DNAH8: variants seen among roughly 807,000 people sequenced by gnomAD.
DNAH8 encodes the protein dynein axonemal heavy chain 8, also known as axonemal beta dynein heavy chain 8.
In DNAH8, 382 loss-of-function variants were observed where a neutral mutation model predicts 562.1. The ratio of observed to expected loss-of-function variants is 0.68; its 90% CI spans 0.63 to 0.74. The LOEUF (loss-of-function observed/expected upper bound fraction) is 0.74. Ranked by LOEUF, DNAH8 falls within the 30% of genes least tolerant of loss-of-function variation. The pLI, the probability that DNAH8 is intolerant of heterozygous loss-of-function variation, is 0.00. For missense variants in DNAH8, 5,203 were observed against 5,620.4 expected (o/e 0.93, Z 2.37); for synonymous variants, 1,881 against 1,919.4 (o/e 0.98, Z 0.52).
In DNAH8 at chr6:38,805,474, T is replaced by A; in HGVS notation, c.3035-7T>A. 2 of 1,564,732 alleles carry A rather than the reference T, an allele frequency of 1.3e-6. No homozygotes were observed. The highest frequency in any genetic ancestry group is 2.2e-5 in the South Asian group (2 of 89,882). ...TGTTATATTTTTGTTTTGTCTTTTG[T>A]CTATAGAACAGCGGAAACACGTTGT... On this transcript the variant is annotated splice_region_variant and splice_polypyrimidine_tract_variant and intron_variant, in intron 22 of 92. Coordinates refer to ENST00000327475, the MANE Select transcript of DNAH8 (RefSeq NM_001206927.2).
chr6:38,814,003 C>A (rs1562875997), intron 24 of DNAH8, 51 bp from the exon 25 acceptor site: 1 of 1,285,804 alleles, frequency 7.8e-7, no homozygotes, highest in African/African-American at 1.5e-5. Flanking sequence ...AATAAACTAA[C>A]AATGAAATTT....
Position 38,971,674 on chromosome 6 carries a change from CAA to C in DNAH8, c.12525+10_12525+11del. On this transcript the variant is annotated intron_variant, in intron 83 of 92. Coordinates refer to ENST00000327475, the MANE Select transcript of DNAH8 (RefSeq NM_001206927.2). ...AGATGTCAATGCAGCAGGTATGTGA[CAA>C]GAGACTGCTCCTGCTGCAACATTAT... The C allele has an allele frequency of 6.3e-7, 1 of 1,586,338 alleles. No individual in the cohort carries two copies. Among genetic ancestry groups the C allele is most frequent in the Non-Finnish European group, 8.6e-7 (1 of 1,165,856 alleles).
At position 38,931,921 on chromosome 6, in the gene DNAH8, C is replaced by A. The variant is rs1782577948; in HGVS notation, c.11385C>A (p.Val3795=). The change falls in exon 76 of 93, where the codon GTC becomes GTA. Residue 3795 remains valine, a synonymous_variant. Coordinates refer to ENST00000327475, the MANE Select transcript of DNAH8 (RefSeq NM_001206927.2). ...FTPEINAKTS[V]IDFTVTMKGL... is the part of the protein sequence containing the mutation. ...CAGAGATTAATGCTAAAACGTCAGT[C>A]ATTGATTTCACTGTTACAATGAAAG... 2 of 1,611,516 alleles carry A rather than the reference C, an allele frequency of 1.2e-6. No individual in the cohort carries two copies. Among genetic ancestry groups the A allele is most frequent in the South Asian group, 2.2e-5 (2 of 90,494 alleles).
rs746176765 is a variant in DNAH8, at chr6:38,875,874, T to C, written c.7858+46T>C. On this transcript the variant is annotated intron_variant, in intron 53 of 92. Coordinates refer to ENST00000327475, the MANE Select transcript of DNAH8 (RefSeq NM_001206927.2). Reference sequence around the variant, plus strand: ...CTTAAATGAAATGACTTTTTTCAAATGAGAAAATATAAGCTTTCATAAACT... The same window carrying C: ...CTTAAATGAAATGACTTTTTTCAAACGAGAAAATATAAGCTTTCATAAACT... 4.0e-6 allele frequency: 5 copies of C among 1,253,438 alleles called. No individual in the cohort carries two copies. The South Asian group carries it at 6.4e-5, about 16-fold the overall frequency. The allele number at this position is 1,253,438 out of a possible 1,614,324, so 77.6% of individuals were successfully genotyped here. A position where few individuals can be genotyped will look rare whatever the true frequency, so the allele number is the denominator to read the frequency against.
At chr6:38,993,666 G>A (rs1176429664) in intron 88 of DNAH8, among the ~76,000 whole-genome samples, 1 of 141,170 alleles carries the variant, frequency 7.1e-6, no homozygotes, top group African/African-American at 2.6e-5. Context: ...ATACAAAGTT[G>A]CCAAACTATA....
chr6:39,011,390 C>T (rs1031486992), intron 89 of DNAH8, among the ~76,000 whole-genome samples: 4 of 152,224 alleles, frequency 2.6e-5, no homozygotes, highest in African/African-American at 9.6e-5. Flanking sequence ...TTCTCTCCCA[C>T]TCCATGTGTC....
At chr6:38,794,140 G>A (rs1248197845) in intron 21 of DNAH8, among the ~76,000 whole-genome samples, 1 of 152,120 alleles carries the variant, frequency 6.6e-6, no homozygotes, top group Non-Finnish European at 1.5e-5. Flanking sequence ...ATTCCCAAGG[G>A]AGAATTTGCT....
rs766073829 is a variant in DNAH8, at chr6:38,750,463, CT to C, written c.1294-6del. On this transcript the variant is annotated splice_polypyrimidine_tract_variant and intron_variant, in intron 8 of 92. Coordinates refer to ENST00000327475, the MANE Select transcript of DNAH8 (RefSeq NM_001206927.2). ...TGGATGTTTCATAGAATTCTTATAC[CT>C]TTTTTTCTTAGAATTGGCGTGATTT... 1.5e-5 allele frequency: 23 copies of C among 1,577,650 alleles called. No homozygotes were observed. The highest frequency in any genetic ancestry group is 6.8e-5 in the South Asian group (6 of 88,300).
chr6:38,759,283 A>G (rs1389246101), intron 10 of DNAH8, among the ~76,000 whole-genome samples: 7 of 151,772 alleles, frequency 4.6e-5, no homozygotes, highest in African/African-American at 1.5e-4. Flanking sequence ...ACTCCAGCCT[A>G]GGCAAGAGAG....
At chr6:38,810,466 C>A (rs941516412) in intron 24 of DNAH8, among the ~76,000 whole-genome samples, 2 of 152,080 alleles carry the variant, frequency 1.3e-5, no homozygotes, top group African/African-American at 4.8e-5. Flanking sequence ...GTGGTGCACG[C>A]CTGTAGTCCC....
chr6:38,926,167 G>A lies in DNAH8; in HGVS notation c.11075G>A (p.Gly3692Asp). Residue 3692 changes from glycine to aspartate, a missense_variant, in exon 74 of 93, where the codon GGC becomes GAC. By Grantham distance (94) the Gly-to-Asp change is moderately conservative. This residue lies in a region of DNAH8 where 1,399 missense variants were observed against 1,518.4 expected (regional missense o/e 0.92). Transcript: ENST00000327475. ...CTCCTCATAGACCCACAAACTCAAG[G>A]CAAAACTTGGATTAAATCAAAGGAA... ...YPLLIDPQTQGKTWIKSKEKE... is the reference protein window; with the variant it reads ...YPLLIDPQTQDKTWIKSKEKE... 1 of 1,613,616 alleles carries A rather than the reference G, an allele frequency of 6.2e-7. No individual in the cohort carries two copies. Among genetic ancestry groups the A allele is most frequent in the South Asian group, 1.1e-5 (1 of 91,038 alleles).
In DNAH8 at chr6:38,791,668, CA is replaced by C; in HGVS notation, c.2897del (p.Asn966MetfsTer12). 1 of 1,612,894 alleles carries C rather than the reference CA, an allele frequency of 6.2e-7. No homozygotes were observed. Among genetic ancestry groups the C allele is most frequent in the Non-Finnish European group, 8.5e-7 (1 of 1,179,666 alleles). On this transcript the variant is annotated frameshift_variant, in exon 21 of 93. Coordinates refer to ENST00000327475, the MANE Select transcript of DNAH8 (RefSeq NM_001206927.2). LOFTEE classifies it high-confidence loss of function. Reference sequence around the variant, plus strand: ...CCAAAGTAGAAGATATGTTGACCCTCAATGAGGTATGCATTTGTTCATTAAA... The same window carrying C: ...CCAAAGTAGAAGATATGTTGACCCTCATGAGGTATGCATTTGTTCATTAAA... ...ATKVEDMLTLNETYTKEWADI... is the reference protein window; with the variant it reads ...ATKVEDMLTLXETYTKEWADI...
intron 30 of DNAH8, among the ~76,000 whole-genome samples, chr6:38,828,855 A>G (rs904892467): frequency 2.0e-5 from 3 of 152,204 alleles, no homozygotes; most frequent in Admixed American, 1.3e-4. Context: ...CACCCCACAA[A>G]GGAAACCCCG....
chr6:38,913,726 T>A, intron 66 of DNAH8, 123 bp from the exon 67 acceptor site: 1 of 562,012 alleles, frequency 1.8e-6, no homozygotes, highest in Non-Finnish European at 3.0e-6. Context: ...AAAGCTTTTG[T>A]CTACAATTTT....
At chr6:38,850,964 A>C (rs1404572390) in intron 38 of DNAH8, among the ~76,000 whole-genome samples, 1 of 152,202 alleles carries the variant, frequency 6.6e-6, no homozygotes, top group Non-Finnish European at 1.5e-5. Context: ...ATTTCAGGGA[A>C]TAGGACCTGG....
Position 38,794,331 on chromosome 6 carries a change from T to C in DNAH8, c.2901+2657T>C, listed in dbSNP as rs138466586. On this transcript the variant is annotated intron_variant, in intron 21 of 92. Coordinates refer to ENST00000327475, the MANE Select transcript of DNAH8 (RefSeq NM_001206927.2). The stretch of plus-strand genomic sequence containing the variant: ...CCTTAATTTTTTTTTTTTTTGGTTA[T>C]GAAAAAACAAAGCCCATAGAAGCTA... Among the ~76,000 whole-genome samples, 55 of 151,996 alleles carry C rather than the reference T, an allele frequency of 3.6e-4. No individual in the cohort carries two copies. The East Asian group carries it at 0.01, about 29-fold the overall frequency.
rs552065554 is a variant in DNAH8, at chr6:38,914,378, G to A, written c.9963+426G>A. Among the ~76,000 whole-genome samples the A allele has an allele frequency of 2.1e-5, 3 of 142,258 alleles. No individual in the cohort carries two copies. In the South Asian group the frequency reaches 6.9e-4, roughly 33 times the overall value. The allele number at this position is 142,258 out of a possible 152,430, so 93.3% of individuals were successfully genotyped here. On this transcript the variant is annotated intron_variant, in intron 67 of 92. Coordinates refer to ENST00000327475, the MANE Select transcript of DNAH8 (RefSeq NM_001206927.2). ...CTCTCAAGGAGATAGGTATATATGT[G>A]TGCTGCTTTTTCTCTTTTTTTTTTT...
chr6:38,990,136 C>T lies in DNAH8; in HGVS notation c.13178C>T (p.Pro4393Leu), dbSNP rs780608781. ...YIQSLPSLDN[P>L]EVFGLHPNAD... ...CAGTCACTGCCATCCCTAGATAACC[C>T]TGAAGTCTTTGGGCTTCACCCTAAT... is the stretch of plus-strand genomic sequence containing the variant. The change falls in exon 88 of 93, where the codon CCT becomes CTT. Residue 4393 changes from proline to leucine, a missense_variant. Transcript: ENST00000327475. The T allele has an allele frequency of 1.9e-6, 3 of 1,612,400 alleles. No homozygotes were observed. Among genetic ancestry groups the T allele is most frequent in the Non-Finnish European group, 1.7e-6 (2 of 1,178,666 alleles).
In DNAH8 at chr6:38,907,988, T is replaced by C; in HGVS notation, c.9381T>C (p.Asp3127=). 6.2e-7 allele frequency: 1 copy of C among 1,608,544 alleles called. No individual in the cohort carries two copies. Among genetic ancestry groups the C allele is most frequent in the Non-Finnish European group, 8.5e-7 (1 of 1,178,180 alleles). ...ISNLFARDEM[D]EITQGLISVM... ...ACTTGTTTGCACGAGATGAGATGGA[T>C]GAAATCACCCAAGGTCTGATTTCAG... is the stretch of plus-strand genomic sequence containing the variant. Residue 3127 remains aspartate (D), a synonymous_variant, in exon 64 of 93, where the codon GAT becomes GAC. Coordinates refer to ENST00000327475, the MANE Select transcript of DNAH8 (RefSeq NM_001206927.2).
Sources: allele counts gnomAD v4.1 joint callset (sites outside exome capture counted in the v4.1 genomes callset), GRCh38; gene constraint gnomAD v4.1.1; regional missense constraint gnomAD v4.1.1; transcripts MANE v1.5; gene names NCBI Gene and HGNC (gene_info 2026-07-23, HGNC 2026-07-21).